Variants in MCU observed in about 807,000 individuals in gnomAD.
MCU encodes mitochondrial calcium uniporter, also known as calcium uniporter protein, mitochondrial.
A neutral mutation model predicts 45.2 loss-of-function variants in MCU; 12 were observed. That is an observed-to-expected ratio of 0.27 (90% CI 0.17 to 0.43). The LOEUF is 0.43. Ranked by LOEUF, MCU falls within the 20% of genes least tolerant of loss-of-function variation. The pLI is 1.00. For missense variants in MCU, 324 were observed against 436.7 expected (o/e 0.74, Z 2.30); for synonymous variants, 160 against 165.1 (o/e 0.97, Z 0.24).
rs1437706408 is a variant in MCU, at chr10:72,882,874, C to A, written c.862-1392C>A. ...TTGCGGCTTGTGGGGCATCACGGAA[C>A]CTACCGACATGTGATGTCCCCCCCG... is the stretch of plus-strand genomic sequence containing the variant. On this transcript the variant is annotated intron_variant, in intron 6 of 7. Transcript: ENST00000373053. Among the ~76,000 whole-genome samples the A allele has an allele frequency of 2.6e-5, 4 of 152,256 alleles. No individual in the cohort carries two copies. The South Asian group carries it at 6.2e-4, about 24-fold the overall frequency.
chr10:72,882,902 T>C (rs7075246), intron 6 of MCU, among the ~76,000 whole-genome samples: 151,980 of 152,282 alleles, frequency 1, 75,844 homozygotes, highest in Middle Eastern at 1. Context: ...CCCCCCCGGA[T>C]GCCCAGCTTT....
At chr10:72,859,897 TA>T (rs1564576870) in intron 3 of MCU, 4 of 152,350 alleles carry the variant, frequency 2.6e-5, no homozygotes, top group Admixed American at 2.6e-4. Context: ...GTAAGTACAA[TA>T]AATGCCCATT....
At position 72,885,819 on chromosome 10, in the gene MCU, T is replaced by C. The variant is rs922005884; in HGVS notation, c.1053T>C (p.Asp351=). Residue 351 remains aspartate (D), a synonymous_variant, in exon 8 of 8, where the codon GAT becomes GAC. Transcript: ENST00000373053. ...CTCTCCGACAAATTGGTGAAAAAGA[T>C]TGATCTGCAAAAAGCCTCTGAATCC... ...HLPLRQIGEK[D] 2.5e-6 allele frequency: 4 copies of C among 1,613,096 alleles called. No homozygotes were observed. The African/African-American group carries it at 4.0e-5, about 16-fold the overall frequency.
At chr10:72,768,563 G>A (rs1422362506) in intron 1 of MCU, among the ~76,000 whole-genome samples, 1 of 152,124 alleles carries the variant, frequency 6.6e-6, no homozygotes, top group East Asian at 1.9e-4. Flanking sequence ...AACTAAGTTA[G>A]CATGATGATA....
At chr10:72,746,315 G>GA (rs1344636589) in intron 1 of MCU, among the ~76,000 whole-genome samples, 1 of 152,204 alleles carries the variant, frequency 6.6e-6, no homozygotes, top group African/African-American at 2.4e-5. Flanking sequence ...TATTTGAGCA[G>GA]AAGCTCCAAG....
At chr10:72,885,613 C>G (rs1845763690) in intron 7 of MCU, 132 bp from the exon 8 acceptor site, 1 of 640,248 alleles carries the variant, frequency 1.6e-6, no homozygotes, top group Non-Finnish European at 2.7e-6. Flanking sequence ...TTTCAAGGCA[C>G]TCTTATTTTG....
intron 1 of MCU, among the ~76,000 whole-genome samples, chr10:72,804,060 AT>A (rs1844387931): frequency 1.4e-4 from 12 of 84,040 alleles, no homozygotes; most frequent in African/African-American, 2.2e-4. Flanking sequence ...ATATATATAT[AT>A]ATATATATAT....
chr10:72,871,718 G>C (rs900498886), intron 6 of MCU, 138 bp downstream of exon 6: 1 of 689,998 alleles, frequency 1.4e-6, no homozygotes, highest in African/African-American at 1.8e-5. Flanking sequence ...TGTGCCACTT[G>C]TGTATTAGGC....
chr10:72,848,866 A>G (rs1300369112), intron 2 of MCU, among the ~76,000 whole-genome samples: 3 of 152,182 alleles, frequency 2.0e-5, no homozygotes, highest in Admixed American at 6.5e-5. Context: ...ATTGAACTGG[A>G]GCAAGGCTGG....
intron 1 of MCU, among the ~76,000 whole-genome samples, chr10:72,809,133 TGTA>T (rs954707683): frequency 6.6e-6 from 1 of 152,170 alleles, no homozygotes; most frequent in Non-Finnish European, 1.5e-5. Flanking sequence ...TTGGAGGCAT[TGTA>T]GTAGTAGTAA....
At chr10:72,745,302 C>G (rs548380606) in intron 1 of MCU, among the ~76,000 whole-genome samples, 1 of 152,132 alleles carries the variant, frequency 6.6e-6, no homozygotes, top group East Asian at 1.9e-4. Flanking sequence ...GATCTCAGCT[C>G]ACTGCAACCT....
intron 1 of MCU, among the ~76,000 whole-genome samples, chr10:72,818,516 T>C (rs903999007): frequency 5.9e-5 from 9 of 152,156 alleles, no homozygotes; most frequent in Non-Finnish European, 8.8e-5. Flanking sequence ...GCATTGAATC[T>C]AAAGAGCTTG....
chr10:72,692,658 G>C (rs1453245774), intron 1 of MCU: 7 of 1,184,756 alleles, frequency 5.9e-6, no homozygotes, highest in Non-Finnish European at 7.3e-6. Flanking sequence ...TCCCTGAACG[G>C]AGCCAGATGG....
At chr10:72,741,122 C>CG (rs1843325235) in intron 1 of MCU, among the ~76,000 whole-genome samples, 1 of 133,516 alleles carries the variant, frequency 7.5e-6, no homozygotes, top group African/African-American at 2.8e-5. Flanking sequence ...TTTTGTGTGA[C>CG]GGAGTCTCAC....
At chr10:72,800,795 G>A (rs972845523) in intron 1 of MCU, among the ~76,000 whole-genome samples, 2 of 152,158 alleles carry the variant, frequency 1.3e-5, no homozygotes, top group Non-Finnish European at 1.5e-5. Context: ...ACACAATGAA[G>A]TACACAATCT....
chr10:72,729,182 A>G (rs543820023), intron 1 of MCU, among the ~76,000 whole-genome samples: 13 of 152,350 alleles, frequency 8.5e-5, no homozygotes, highest in Non-Finnish European at 1.0e-4. Flanking sequence ...ACTGTATTTT[A>G]GGCCTGCTGC....
intron 1 of MCU, among the ~76,000 whole-genome samples, chr10:72,823,814 CT>C (rs1173116324): frequency 6.6e-6 from 1 of 152,286 alleles, no homozygotes; most frequent in East Asian, 1.9e-4. Flanking sequence ...AATCCCAGCA[CT>C]TTGGGAGGCC....
At chr10:72,774,630 A>G (rs1303782788) in intron 1 of MCU, among the ~76,000 whole-genome samples, 1 of 152,106 alleles carries the variant, frequency 6.6e-6, no homozygotes, top group East Asian at 1.9e-4. Flanking sequence ...ACAAAACCCA[A>G]CTATATGCTG....
intron 1 of MCU, among the ~76,000 whole-genome samples, chr10:72,721,660 T>C (rs1443980413): frequency 6.6e-6 from 1 of 152,206 alleles, no homozygotes; most frequent in East Asian, 1.9e-4. Context: ...GCTGAAATAT[T>C]ATATTCTCAG....
Sources: allele counts gnomAD v4.1 joint callset (sites outside exome capture counted in the v4.1 genomes callset), GRCh38; gene constraint gnomAD v4.1.1; transcripts MANE v1.5; gene names NCBI Gene and HGNC (gene_info 2026-07-23, HGNC 2026-07-21).